Variants in ZFP64 observed in about 807,000 individuals in gnomAD.
ZFP64 encodes the protein zinc finger protein 64.
In ZFP64, 14 loss-of-function variants were observed where a neutral mutation model predicts 51.6. The ratio of observed to expected loss-of-function variants is 0.27; its 90% confidence interval spans 0.18 to 0.42. The LOEUF is 0.42. Among genes scored for constraint, ZFP64 ranks in the 10% least tolerant of loss-of-function variants. The probability of loss-of-function intolerance (pLI) is 1.00; values close to 1 mark genes in which losing one functional copy is unlikely to be tolerated. For synonymous variants in ZFP64, 375 were observed against 361.4 expected (o/e 1.04, Z -0.43); for missense variants, 754 against 906.8 (o/e 0.83, Z 2.16).
intron 5 of ZFP64, among the ~76,000 whole-genome samples, chr20:52,159,653 C>T (rs1433308404): frequency 6.6e-6 from 1 of 152,080 alleles, no homozygotes; most frequent in African/African-American, 2.4e-5. Context: ...GAGTTCAAGA[C>T]CAGCCTGACC....
At chr20:52,097,339 T>C in intron 7 of ZFP64, 1 of 1,600,930 alleles carries the variant, frequency 6.2e-7, no homozygotes. Context: ...GTCCCATCTT[T>C]CTTACTGAGC....
In ZFP64 at chr20:52,105,259, G is replaced by A. The variant is rs745519493; in HGVS notation, c.764-6672C>T. On this transcript the variant is annotated intron_variant, in intron 5 of 8. Coordinates refer to the ZFP64 transcript ENST00000361387. The stretch of plus-strand genomic sequence containing the variant: ...ACATGGCGCGAGGACCGGGCTCCCC[G>A]CGCGTCCCTAGGAGTGGCCTACTTC... 49 of 1,330,016 alleles carry A rather than the reference G, an allele frequency of 3.7e-5. No homozygotes were observed. The African/African-American group carries it at 4.6e-4, about 12-fold the overall frequency. 82.4% of individuals were successfully genotyped at this position (1,330,016 alleles called of 1,614,324 possible).
In ZFP64 at chr20:52,153,117, G is replaced by C. The variant is rs1981010130; in HGVS notation, c.1075C>G (p.Arg359Gly). Reference sequence around the variant, plus strand: ...GTGCAGTGGATACGCTCGTGGATGCGCAGGGCGGCCTTGCTGGAGCAGGAG... The same window carrying C: ...GTGCAGTGGATACGCTCGTGGATGCCCAGGGCGGCCTTGCTGGAGCAGGAG... ...SYSCSSKAAL[R>G]IHERIHCTDR... The change falls in exon 6 of 6, where the codon CGC becomes GGC. Residue 359 changes from arginine to glycine, a missense_variant. By Grantham distance (125) the Arg-to-Gly change is moderately radical. Around this residue, in one of 3 missense-constraint regions of ZFP64, gnomAD observed 428 missense variants for 472.4 expected, o/e 0.91. Coordinates refer to ENST00000216923, the MANE Select transcript of ZFP64 (RefSeq NM_018197.3). This position sits in a 1 kb window ranked among gnomAD's most constrained non-coding sequence, Gnocchi z 5.1. The C allele has an allele frequency of 6.2e-7, 1 of 1,614,204 alleles. No individual in the cohort carries two copies. Among genetic ancestry groups the C allele is most frequent in the Non-Finnish European group, 8.5e-7 (1 of 1,180,048 alleles).
chr20:52,181,076 G>C (rs1983580901), intron 2 of ZFP64, among the ~76,000 whole-genome samples: 2 of 152,112 alleles, frequency 1.3e-5, no homozygotes, highest in African/African-American at 4.8e-5. Flanking sequence ...CCGAGTACCT[G>C]GGATTACAGG....
chr20:52,122,779 T>A (rs573472464), intron 5 of ZFP64, among the ~76,000 whole-genome samples: 4 of 152,098 alleles, frequency 2.6e-5, no homozygotes, highest in Non-Finnish European at 5.9e-5. Context: ...GCAAGAGAAC[T>A]GGAATCAGAA....
At chr20:52,109,720 G>T (rs1384438563) in intron 5 of ZFP64, among the ~76,000 whole-genome samples, 2 of 148,510 alleles carry the variant, frequency 1.3e-5, no homozygotes, top group Non-Finnish European at 3.0e-5. Flanking sequence ...GGCGGAGGTT[G>T]CAGTGAGCTG....
chr20:52,179,451 G>A (rs1038111330), intron 2 of ZFP64, among the ~76,000 whole-genome samples: 2 of 152,118 alleles, frequency 1.3e-5, no homozygotes, highest in Non-Finnish European at 2.9e-5. Context: ...TCCTGCCCTC[G>A]TTCAATAGCT....
chr20:52,173,256 T>C (rs1023723714), intron 2 of ZFP64, among the ~76,000 whole-genome samples: 1 of 152,206 alleles, frequency 6.6e-6, no homozygotes. Context: ...TTAACATGAA[T>C]TTTAGGATTT....
At position 52,187,043 on chromosome 20, in the gene ZFP64, C is replaced by T. The variant is rs1440184123; in HGVS notation, c.75G>A (p.Glu25=). The change falls in exon 2 of 6, where the codon GAG becomes GAA. Residue 25 remains glutamate, a synonymous_variant. Transcript: ENST00000216923. ...CGCAGATATGGATGTCGGGAGTCAGCTCCACCAGCACCGTTGTGCCACCTG... is the reference window on the plus strand; with the variant it reads ...CGCAGATATGGATGTCGGGAGTCAGTTCCACCAGCACCGTTGTGCCACCTG... ...QIPGGTTVLV[E]LTPDIHICGI... 1.2e-6 allele frequency: 2 copies of T among 1,610,978 alleles called. No individual in the cohort carries two copies. The highest frequency in any genetic ancestry group is 8.5e-7 in the Non-Finnish European group (1 of 1,177,492).
chr20:52,100,004 CTTT>C (rs1335994136), intron 5 of ZFP64, among the ~76,000 whole-genome samples: 1 of 152,042 alleles, frequency 6.6e-6, no homozygotes, highest in Non-Finnish European at 1.5e-5. Context: ...GAAGTTTTTT[CTTT>C]TTTTGAGACG....
chr20:52,088,271 G>A, intron 8 of ZFP64: 2 of 1,453,364 alleles, frequency 1.4e-6, no homozygotes, highest in South Asian at 1.3e-5. Context: ...TATCACAGAA[G>A]TTCCAAATTC....
exon 9 of ZFP64, chr20:52,084,913 A>C: frequency 6.2e-7 from 1 of 1,613,738 alleles, no homozygotes; most frequent in Non-Finnish European, 8.5e-7. Context: ...TCGAAGCTGC[A>C]GAAGTCACAC....
intron 5 of ZFP64, among the ~76,000 whole-genome samples, chr20:52,159,671 C>G (rs922612535): frequency 2.0e-5 from 3 of 152,002 alleles, no homozygotes; most frequent in African/African-American, 7.3e-5. Flanking sequence ...ACCAATATGG[C>G]AAAACCCCAC....
Position 52,153,570 on chromosome 20 carries a change from T to A in ZFP64, c.764-142A>T. 4 of 1,299,350 alleles carry A rather than the reference T, an allele frequency of 3.1e-6. No individual in the cohort carries two copies. Among genetic ancestry groups the A allele is most frequent in the Non-Finnish European group, 3.1e-6 (3 of 981,950 alleles). The allele number at this position is 1,299,350 out of a possible 1,614,324, so 80.5% of individuals were successfully genotyped here. On this transcript the variant is annotated intron_variant, in intron 5 of 5. Coordinates refer to ENST00000216923, the MANE Select transcript of ZFP64 (RefSeq NM_018197.3). The surrounding 1 kb of genome is among the most constrained non-coding windows in gnomAD (Gnocchi z 5.1). ...TGCAGCTTCTAGCAGCCCCTGGCAG[T>A]GGGGGAAGAGGGGCAGGGCGTCTTT... is the stretch of plus-strand genomic sequence containing the variant.
At chr20:52,125,975 G>T (rs768948015) in intron 5 of ZFP64, among the ~76,000 whole-genome samples, 1 of 151,966 alleles carries the variant, frequency 6.6e-6, no homozygotes, top group Admixed American at 6.6e-5. Flanking sequence ...TCCGCGCCCT[G>T]GGTTCAAGTG....
At chr20:52,084,916 A>G in exon 9 of ZFP64, 1 of 1,613,752 alleles carries the variant, frequency 6.2e-7, no homozygotes, top group Non-Finnish European at 8.5e-7. Context: ...AAGCTGCAGA[A>G]GTCACACTTG....
intron 5 of ZFP64, among the ~76,000 whole-genome samples, chr20:52,124,664 C>T (rs1979362663): frequency 6.6e-6 from 1 of 151,734 alleles, no homozygotes; most frequent in African/African-American, 2.4e-5. Context: ...GCCTGGAGTA[C>T]AGTGGTGCAA....
At chr20:52,158,518 C>G (rs927144330) in intron 5 of ZFP64, among the ~76,000 whole-genome samples, 1 of 152,056 alleles carries the variant, frequency 6.6e-6, no homozygotes, top group Non-Finnish European at 1.5e-5. Flanking sequence ...CCAGGCTGGG[C>G]AACATGGTGA....
intron 5 of ZFP64, among the ~76,000 whole-genome samples, chr20:52,106,305 A>G (rs1978316508): frequency 6.6e-6 from 1 of 152,198 alleles, no homozygotes; most frequent in South Asian, 2.1e-4. Context: ...AAAGCCACCT[A>G]CATCCCCCAG....
Sources: gnomAD v4.1 joint callset for allele counts (sites outside exome capture counted in the v4.1 genomes callset) on GRCh38, gnomAD v4.1.1 for gene constraint, gnomAD v4.1.1 regional missense constraint, Gnocchi (gnomAD v3.1) non-coding constraint, MANE v1.5 for transcripts, NCBI Gene and HGNC (gene_info 2026-07-23, HGNC 2026-07-21) for gene names.